The following TMEM9B variants were observed in gnomAD, a reference collection of about 807,000 sequenced individuals.
TMEM9B encodes the protein TMEM9 domain family member B.
Under a neutral mutation model 23.5 loss-of-function variants are expected in TMEM9B, and 8 were observed. The observed-to-expected ratio is 0.34, with a 90% CI of 0.20 to 0.61. TMEM9B has a LOEUF of 0.61. Among genes scored for constraint, TMEM9B ranks in the 20% least tolerant of loss-of-function variants. TMEM9B has a pLI of 0.78. For synonymous variants in TMEM9B, 106 were observed against 96.3 expected (o/e 1.10, Z -0.59); for missense variants, 197 against 252.3 (o/e 0.78, Z 1.49).
chr11:8,961,138 A>G (rs1854072392), intron 2 of TMEM9B, among the ~76,000 whole-genome samples: 1 of 152,348 alleles, frequency 6.6e-6, no homozygotes, highest in East Asian at 1.9e-4. Context: ...GACTGAACCT[A>G]AATGCGTATC....
chr11:8,949,216 A>G (rs554895045), intron 4 of TMEM9B, among the ~76,000 whole-genome samples: 18 of 152,328 alleles, frequency 1.2e-4, no homozygotes, highest in African/African-American at 4.3e-4. Flanking sequence ...CTGCCTTGGG[A>G]AAGAGGCTAT....
chr11:8,964,042 G>A (rs576413536), intron 1 of TMEM9B, 167 bp downstream of exon 1: 447 of 670,816 alleles, frequency 6.7e-4, no homozygotes, highest in Non-Finnish European at 1.0e-3. Flanking sequence ...AGTGCCGCCG[G>A]GCAGTCGGGA....
intron 2 of TMEM9B, 79 bp downstream of exon 2, chr11:8,962,013 C>T: frequency 2.3e-6 from 2 of 886,864 alleles, no homozygotes; most frequent in South Asian, 1.7e-5. Flanking sequence ...GAAAACTATG[C>T]ATTTGATGAA....
At chr11:8,961,083 T>C (rs919841745) in intron 2 of TMEM9B, among the ~76,000 whole-genome samples, 6 of 143,684 alleles carry the variant, frequency 4.2e-5, no homozygotes, top group Non-Finnish European at 8.0e-5. Context: ...CAGTGGAACA[T>C]AGAGGTTCAC....
intron 2 of TMEM9B, among the ~76,000 whole-genome samples, chr11:8,959,042 A>G (rs972437683): frequency 3.9e-5 from 6 of 152,242 alleles, no homozygotes; most frequent in African/African-American, 9.6e-5. Context: ...GGATGCAGGC[A>G]CAAAATGGGC....
intron 2 of TMEM9B, 38 bp from the exon 3 acceptor site, chr11:8,956,336 T>C: frequency 6.4e-7 from 1 of 1,573,352 alleles, no homozygotes; most frequent in East Asian, 2.2e-5. Context: ...TAAGCCCAGC[T>C]AGCTCTTCTG....
intron 3 of TMEM9B, among the ~76,000 whole-genome samples, chr11:8,953,772 A>T (rs536811344): frequency 1.6e-4 from 25 of 152,240 alleles, no homozygotes; most frequent in Non-Finnish European, 3.2e-4. Context: ...CAATAAAATA[A>T]ATAGACAATA....
intron 4 of TMEM9B, among the ~76,000 whole-genome samples, chr11:8,949,874 C>A (rs1460392734): frequency 6.8e-6 from 1 of 146,400 alleles, no homozygotes; most frequent in Non-Finnish European, 1.5e-5. Context: ...ATTGCCCAGA[C>A]TGGCCATGAA....
intron 4 of TMEM9B, among the ~76,000 whole-genome samples, chr11:8,951,757 C>CAAAA (rs747141702): frequency 3.3e-5 from 3 of 91,418 alleles, no homozygotes; most frequent in Admixed American, 1.2e-4. Flanking sequence ...GACTGCGTCT[C>CAAAA]AAAAAAAAAA....
intron 2 of TMEM9B, among the ~76,000 whole-genome samples, chr11:8,959,576 T>C (rs1854038383): frequency 6.6e-6 from 1 of 152,258 alleles, no homozygotes; most frequent in South Asian, 2.1e-4. Context: ...AAGTGCTAAG[T>C]AAGTATTGAG....
chr11:8,964,064 G>A, intron 1 of TMEM9B, 145 bp downstream of exon 1: 1 of 779,072 alleles, frequency 1.3e-6, no homozygotes, highest in African/African-American at 1.8e-5. Context: ...GGGCGGGGCT[G>A]GTGGCGGCGG....
At position 8,959,168 on chromosome 11, in the gene TMEM9B, C is replaced by T. The variant is rs564695112; in HGVS notation, c.198-2870G>A. On this transcript the variant is annotated intron_variant, in intron 2 of 4. Coordinates refer to ENST00000534025, the MANE Select transcript of TMEM9B (RefSeq NM_020644.3). ...TCATATTTGAAAAAGGATCAGGCCA[C>T]GCATGGTGGCTTATCCCTATAATCC... Among the ~76,000 whole-genome samples, 15 of 152,330 alleles carry T rather than the reference C, an allele frequency of 9.8e-5. 1 individual carries two copies. Among genetic ancestry groups the T allele is most frequent in the African/African-American group, 2.2e-4 (9 of 41,578 alleles).
chr11:8,964,381 A>AGGCTCG lies in TMEM9B; in HGVS notation c.-69_-68insCGAGCC, dbSNP rs1854154616. 18 of 1,505,392 alleles carry AGGCTCG rather than the reference A, an allele frequency of 1.2e-5. No individual in the cohort carries two copies. The African/African-American group carries it at 1.5e-4, about 13-fold the overall frequency. 93.3% of individuals were successfully genotyped at this position (1,505,392 alleles called of 1,614,324 possible). On this transcript the variant is annotated 5_prime_UTR_variant, in exon 1 of 5. Coordinates refer to ENST00000534025, the MANE Select transcript of TMEM9B (RefSeq NM_020644.3). ...CGGCTCCCGGCTCGGGCTCAGGCTC[A>AGGCTCG]GGCTCAGGCTCAGGCACAGGCTTGG...
chr11:8,956,863 G>C (rs1168341748), intron 2 of TMEM9B, among the ~76,000 whole-genome samples: 1 of 152,286 alleles, frequency 6.6e-6, no homozygotes, highest in Non-Finnish European at 1.5e-5. Flanking sequence ...ATGATTACAG[G>C]AGCCTGCCAC....
Position 8,962,186 on chromosome 11 carries a change from G to A in TMEM9B, c.106-3C>T. The A allele has an allele frequency of 6.3e-7, 1 of 1,592,368 alleles. No individual in the cohort carries two copies. The highest frequency in any genetic ancestry group is 8.6e-7 in the Non-Finnish European group (1 of 1,169,082). On this transcript the variant is annotated splice_polypyrimidine_tract_variant and splice_region_variant and intron_variant, in intron 1 of 4. Transcript: ENST00000534025. ...TTACATCTGACATCCTCGAAATTCTGTAACCAAAATGGAAACAGTATAGTG... is the reference window on the plus strand; with the variant it reads ...TTACATCTGACATCCTCGAAATTCTATAACCAAAATGGAAACAGTATAGTG...
chr11:8,960,629 C>A (rs1459976337), intron 2 of TMEM9B, among the ~76,000 whole-genome samples: 1 of 151,848 alleles, frequency 6.6e-6, no homozygotes, highest in East Asian at 1.9e-4. Context: ...AAACTGTAAG[C>A]ACTGAATAAA....
intron 3 of TMEM9B, among the ~76,000 whole-genome samples, chr11:8,955,191 T>C (rs1359121775): frequency 6.6e-6 from 1 of 150,754 alleles, no homozygotes; most frequent in African/African-American, 2.4e-5. Flanking sequence ...TTAGCCACTA[T>C]AATAAAGTAA....
chr11:8,956,181 A>G lies in TMEM9B; in HGVS notation c.306+9T>C, dbSNP rs749786780. Reference sequence around the variant, plus strand: ...GACAGACAGGTAGATAGAGGGATATATATTTTACCTTGATTGTGACAGAGC... The same window carrying G: ...GACAGACAGGTAGATAGAGGGATATGTATTTTACCTTGATTGTGACAGAGC... On this transcript the variant is annotated intron_variant, in intron 3 of 4. Coordinates refer to ENST00000534025, the MANE Select transcript of TMEM9B (RefSeq NM_020644.3). 4.3e-6 allele frequency: 7 copies of G among 1,609,316 alleles called. No homozygotes were observed. The Admixed American group carries it at 1.0e-4, about 23-fold the overall frequency.
In TMEM9B at chr11:8,956,095, G is replaced by A. The variant is rs775778782; in HGVS notation, c.306+95C>T. On this transcript the variant is annotated intron_variant, in intron 3 of 4. Transcript: ENST00000534025. Reference sequence around the variant, plus strand: ...GGCCCATTATTCCTTTTGGGGTAGGGGTCCAAATTTTTCTGTCTTGTCTAG... The same window carrying A: ...GGCCCATTATTCCTTTTGGGGTAGGAGTCCAAATTTTTCTGTCTTGTCTAG... 1.1e-5 allele frequency: 12 copies of A among 1,074,550 alleles called. No individual in the cohort carries two copies. The East Asian group carries it at 2.8e-4, about 25-fold the overall frequency. The allele number at this position is 1,074,550 out of a possible 1,614,324, so 66.6% of individuals were successfully genotyped here. A position where few individuals can be genotyped will look rare whatever the true frequency, so the allele number is the denominator to read the frequency against.
Sources: allele counts gnomAD v4.1 joint callset (sites outside exome capture counted in the v4.1 genomes callset), GRCh38; gene constraint gnomAD v4.1.1; transcripts MANE v1.5; gene names NCBI Gene and HGNC (gene_info 2026-07-23, HGNC 2026-07-21).